MUC17: variants seen among roughly 807,000 people sequenced by gnomAD.
MUC17 encodes the protein mucin 17, cell surface associated.
Under a neutral mutation model 170.3 loss-of-function variants are expected in MUC17, and 190 were observed. The observed-to-expected ratio is 1.12, with a 90% CI of 0.99 to 1.26. The LOEUF (loss-of-function observed/expected upper bound fraction) is 1.26. MUC17 is among the 50% of genes most tolerant of loss of function. The pLI, the probability that MUC17 is intolerant of heterozygous loss-of-function variation, is 0.00. For synonymous variants in MUC17, 2,325 were observed against 2,002.5 expected (o/e 1.16, Z -4.30); for missense variants, 6,415 against 5,530.0 (o/e 1.16, Z -5.08).
intron 3 of MUC17, among the ~76,000 whole-genome samples, chr7:101,047,188 A>G (rs1794857586): frequency 6.6e-6 from 1 of 152,216 alleles, no homozygotes; most frequent in Admixed American, 6.5e-5. Flanking sequence ...AATCAGAATG[A>G]GTCATAACAG....
chr7:101,051,497 G>A, intron 7 of MUC17, 116 bp from the exon 8 acceptor site: 1 of 959,770 alleles, frequency 1.0e-6, no homozygotes, highest in Admixed American at 2.6e-5. Flanking sequence ...GCCGGGGCCG[G>A]ATTCCCACCT....
At position 101,043,009 on chromosome 7, in the gene MUC17, C is replaced by T. The variant is rs376404588; in HGVS notation, c.11593C>T (p.Arg3865Cys). The T allele has an allele frequency of 1.1e-4, 177 of 1,614,006 alleles. No individual in the cohort carries two copies. Among genetic ancestry groups the T allele is most frequent in the African/African-American group, 2.7e-4 (20 of 74,896 alleles). The change falls in exon 3 of 13, where the codon CGT (arginine) becomes TGT (cysteine). Residue 3865 changes from arginine (R) to cysteine (C), a missense_variant. Coordinates refer to ENST00000306151, the MANE Select transcript of MUC17 (RefSeq NM_001040105.2). ...CATACCTGCTGAAGTCACTACCATA[C>T]GTATTTCAATTACCAGTGAAAGAAG... ...FSIPAEVTTI[R>C]ISITSERSTP...
Position 101,037,089 on chromosome 7 carries a change from C to T in MUC17, c.5673C>T (p.Pro1891=), listed in dbSNP as rs10257974. 183,486 of 1,572,206 alleles carry T rather than the reference C, an allele frequency of 0.12. 13,156 individuals carry two copies. The highest frequency in any genetic ancestry group is 0.26 in the African/African-American group (17,556 of 67,490). The part of the protein sequence containing the change: ...SSETNTLSTT[P]AVTSTPVTTY... ...AAACCAACACCCTTTCAACAACTCC[C>T]GCTGTCACCAGCACACCTGTGACCA... is the stretch of plus-strand genomic sequence containing the variant. The change falls in exon 3 of 13, where the codon CCC becomes CCT. Residue 1891 remains proline, a synonymous_variant. Transcript: ENST00000306151.
In MUC17 at chr7:101,037,170, C is replaced by T. The variant is rs557850355; in HGVS notation, c.5754C>T (p.Thr1918=). 3 of 1,612,794 alleles carry T rather than the reference C, an allele frequency of 1.9e-6. No homozygotes were observed. The highest frequency in any genetic ancestry group is 1.7e-5 in the Admixed American group (1 of 59,892). The change falls in exon 3 of 13, where the codon ACC becomes ACT. Residue 1918 remains threonine, a synonymous_variant. Transcript: ENST00000306151. ...PTTADGSSMP[T]STPREGRPPL... ...CTGCTGACGGTAGCAGCATGCCAAC[C>T]TCAACTCCTAGGGAAGGAAGGCCTC... is the stretch of plus-strand genomic sequence containing the variant.
chr7:101,020,119 A>G lies in MUC17; in HGVS notation c.-17A>G. On this transcript the variant is annotated 5_prime_UTR_variant, in exon 1 of 13. Transcript: ENST00000306151. ...CCTCTGGGGGTGACAGGCAAGTGAG[A>G]CGTGCTCAGAGCTCCGATGCCAAGG... The G allele has an allele frequency of 6.3e-7, 1 of 1,580,106 alleles. No homozygotes were observed. Among genetic ancestry groups the G allele is most frequent in the Non-Finnish European group, 8.6e-7 (1 of 1,162,918 alleles).
rs1185824676 is a variant in MUC17, at chr7:101,053,895, GA to G, written c.13363+467del. Reference sequence around the variant, plus strand: ...AACTCCGTCTCAAAAAAAAAAAAAAGAAAAAAAATTTTAAATTATCTGGGCA... The same window carrying G: ...AACTCCGTCTCAAAAAAAAAAAAAAGAAAAAAATTTTAAATTATCTGGGCA... On this transcript the variant is annotated intron_variant, in intron 11 of 12. Transcript: ENST00000306151. Among the ~76,000 whole-genome samples, 324 of 141,354 alleles carry G rather than the reference GA, an allele frequency of 2.3e-3. 1 individual carries two copies. The highest frequency in any genetic ancestry group is 7.2e-3 in the African/African-American group (279 of 38,922). The allele number at this position is 141,354 out of a possible 152,430, so 92.7% of individuals were successfully genotyped here. A position where few individuals can be genotyped will look rare whatever the true frequency, so the allele number is the denominator to read the frequency against.
chr7:101,051,760 CCCT>C (rs1562823621), intron 8 of MUC17, 40 bp from the exon 9 acceptor site: 1 of 1,605,942 alleles, frequency 6.2e-7, no homozygotes. Flanking sequence ...GTCCCCCCAG[CCCT>C]CTGATCACGG....
chr7:101,039,522 G>T lies in MUC17; in HGVS notation c.8106G>T (p.Thr2702=). 1 of 1,611,462 alleles carries T rather than the reference G, an allele frequency of 6.2e-7. No homozygotes were observed. Among genetic ancestry groups the T allele is most frequent in the Non-Finnish European group, 8.5e-7 (1 of 1,178,818 alleles). Residue 2702 remains threonine (T), a synonymous_variant, in exon 3 of 13, where the codon ACG becomes ACT. Coordinates refer to ENST00000306151, the MANE Select transcript of MUC17 (RefSeq NM_001040105.2). ...TAACAAATATACTTGTCAGCACCAC[G>T]CTGTTGGCCAATTCTGAGGCTAGCA... ...TPLTNILVST[T]LLANSEASTL...
At position 101,048,943 on chromosome 7, in the gene MUC17, C is replaced by G. The variant is rs144403703; in HGVS notation, c.12634C>G (p.Gln4212Glu). Reference sequence around the variant, plus strand: ...AAAAAACCACTCTTCCCAGGAATTCCAGGAGTTCAAACAGACATTCACGGA... The same window carrying G: ...AAAAAACCACTCTTCCCAGGAATTCGAGGAGTTCAAACAGACATTCACGGA... Reference protein sequence around the residue: ...ELKNHSSQEFQEFKQTFTEQM... With the variant: ...ELKNHSSQEFEEFKQTFTEQM... Residue 4212 changes from glutamine (Q) to glutamate (E), a missense_variant, in exon 5 of 13, where the codon CAG (glutamine) becomes GAG (glutamate). Coordinates refer to ENST00000306151, the MANE Select transcript of MUC17 (RefSeq NM_001040105.2). 1,802 of 1,614,138 alleles carry G rather than the reference C, an allele frequency of 1.1e-3. 3 individuals carry two copies. Among genetic ancestry groups the G allele is most frequent in the Non-Finnish European group, 1.5e-3 (1,728 of 1,180,010 alleles).
In MUC17 at chr7:101,027,807, C is replaced by T. The variant is rs550182001; in HGVS notation, c.83-3313C>T. 2.6e-4 allele frequency among the ~76,000 whole-genome samples: 39 copies of T among 151,970 alleles called. No individual in the cohort carries two copies. In the South Asian group the frequency reaches 7.5e-3, roughly 29 times the overall value. ...TTTTTTTTGAGAGAGGATTTCATTC[C>T]ATTGTCCAGACTGGAGTGCAGTGAT... On this transcript the variant is annotated intron_variant, in intron 1 of 12. Coordinates refer to ENST00000306151, the MANE Select transcript of MUC17 (RefSeq NM_001040105.2).
intron 3 of MUC17, among the ~76,000 whole-genome samples, chr7:101,046,636 G>C (rs912869336): frequency 6.6e-6 from 1 of 152,074 alleles, no homozygotes. Flanking sequence ...AAATTAGCCA[G>C]GCATGGTGAT....
In MUC17 at chr7:101,041,113, C is replaced by T; in HGVS notation, c.9697C>T (p.Pro3233Ser). 1 of 1,613,512 alleles carries T rather than the reference C, an allele frequency of 6.2e-7. No individual in the cohort carries two copies. Among genetic ancestry groups the T allele is most frequent in the Non-Finnish European group, 8.5e-7 (1 of 1,179,860 alleles). ...AACTAGTGTACCTGTCAGCAACACG[C>T]CGGTGGCCAGTTCTGAGGCTAGCAT... Reference protein sequence around the residue: ...PLTSVPVSNTPVASSEASILS... With the variant: ...PLTSVPVSNTSVASSEASILS... The change falls in exon 3 of 13, where the codon CCG becomes TCG. Residue 3233 changes from proline to serine, a missense_variant. Coordinates refer to ENST00000306151, the MANE Select transcript of MUC17 (RefSeq NM_001040105.2).
chr7:101,032,636 G>A lies in MUC17; in HGVS notation c.1220G>A (p.Ser407Asn). The A allele has an allele frequency of 6.2e-7, 1 of 1,613,362 alleles. No individual in the cohort carries two copies. Among genetic ancestry groups the A allele is most frequent in the South Asian group, 1.1e-5 (1 of 91,016 alleles). ...NMPVSTILVA[S>N]SEASTTSTIP... ...CCTGTCAGCACCATATTGGTGGCCA[G>A]TTCTGAGGCTAGCACCACTTCAACA... Residue 407 changes from serine to asparagine, a missense_variant, in exon 3 of 13, where the codon AGT (serine) becomes AAT (asparagine). Ser to Asn is a conservative substitution (Grantham distance 46, BLOSUM62 1). Coordinates refer to ENST00000306151, the MANE Select transcript of MUC17 (RefSeq NM_001040105.2).
chr7:101,026,813 C>T (rs1261971126), intron 1 of MUC17, among the ~76,000 whole-genome samples: 1 of 152,176 alleles, frequency 6.6e-6, no homozygotes, highest in Non-Finnish European at 1.5e-5. Context: ...ACTGTGGCCT[C>T]AAGTGATCCA....
chr7:101,039,948 T>C lies in MUC17; in HGVS notation c.8532T>C (p.Ser2844=), dbSNP rs1794634600. ...PVDTSTPVTT[S]TKASSSPTTA... ...ACACCAGCACACCTGTGACCACTTC[T>C]ACTAAAGCCAGTTCATCTCCTACAA... Residue 2844 remains serine (S), a synonymous_variant, in exon 3 of 13, where the codon TCT becomes TCC. Coordinates refer to ENST00000306151, the MANE Select transcript of MUC17 (RefSeq NM_001040105.2). 3.1e-6 allele frequency: 5 copies of C among 1,613,612 alleles called. No individual in the cohort carries two copies. Among genetic ancestry groups the C allele is most frequent in the Non-Finnish European group, 3.4e-6 (4 of 1,179,812 alleles).
intron 7 of MUC17, 45 bp downstream of exon 7, chr7:101,050,680 C>T (rs1165724444): frequency 2.5e-6 from 4 of 1,594,552 alleles, no homozygotes; most frequent in Non-Finnish European, 3.4e-6. Context: ...GGCATCAGAG[C>T]TGGGGCATGA....
chr7:101,035,116 T>A lies in MUC17; in HGVS notation c.3700T>A (p.Ser1234Thr). ...TGTCAGACACACGCCAGTGGCCAGT[T>A]CTGAGGCTAGCACCCTTTCAACATC... The part of the protein sequence containing the change: ...MPVRHTPVAS[S>T]EASTLSTSPV... The change falls in exon 3 of 13, where the codon TCT becomes ACT. Residue 1234 changes from serine (S) to threonine (T), a missense_variant. Ser to Thr is a moderately conservative substitution (Grantham distance 58). Transcript: ENST00000306151. 6.2e-7 allele frequency: 1 copy of A among 1,611,954 alleles called. No individual in the cohort carries two copies. The highest frequency in any genetic ancestry group is 1.3e-5 in the African/African-American group (1 of 74,780).
Position 101,058,084 on chromosome 7 carries a change from T to C in MUC17, c.*40T>C, listed in dbSNP as rs776325334. 43 of 1,592,474 alleles carry C rather than the reference T, an allele frequency of 2.7e-5. No homozygotes were observed. The highest frequency in any genetic ancestry group is 8.8e-5 in the South Asian group (8 of 90,400). On this transcript the variant is annotated 3_prime_UTR_variant, in exon 13 of 13. Transcript: ENST00000306151. Reference sequence around the variant, plus strand: ...AAGTCTGGGAGTGAGGAGATCCCAGTCCGGCTAAGCTTGGTGGAGCATTTT... The same window carrying C: ...AAGTCTGGGAGTGAGGAGATCCCAGCCCGGCTAAGCTTGGTGGAGCATTTT...
Position 101,043,362 on chromosome 7 carries a change from C to A in MUC17, c.11946C>A (p.Thr3982=). 6.2e-7 allele frequency: 1 copy of A among 1,614,164 alleles called. No individual in the cohort carries two copies. The highest frequency in any genetic ancestry group is 8.5e-7 in the Non-Finnish European group (1 of 1,180,036). Residue 3982 remains threonine (T), a synonymous_variant, in exon 3 of 13, where the codon ACC becomes ACA. Transcript: ENST00000306151. The stretch of plus-strand genomic sequence containing the variant: ...CATCAACCTCCAGTAGTAGTACCAC[C>A]ACATCTTTTTCAACTACTAAGGAAT... ...NTPSTSSSST[T]TSFSTTKEFT... is the part of the protein sequence containing the mutation.
Sources: allele counts gnomAD v4.1 joint callset (sites outside exome capture counted in the v4.1 genomes callset), GRCh38; gene constraint gnomAD v4.1.1; transcripts MANE v1.5; gene names NCBI Gene and HGNC (gene_info 2026-07-23, HGNC 2026-07-21).